TMC7: variants seen among roughly 807,000 people sequenced by gnomAD.
TMC7 encodes the protein transmembrane channel-like protein 7.
In TMC7, 54 loss-of-function variants were observed where a neutral mutation model predicts 82.9. That is an observed-to-expected ratio of 0.65 (90% CI 0.52 to 0.82). The LOEUF is 0.82. TMC7 is among the 40% of genes least tolerant of loss of function. The pLI is 0.00. For missense variants in TMC7, 820 were observed against 901.2 expected (o/e 0.91, Z 1.15); for synonymous variants, 350 against 337.9 (o/e 1.04, Z -0.39).
At position 19,023,150 on chromosome 16, in the gene TMC7, A is replaced by T; in HGVS notation, c.666A>T (p.Gly222=). 6.2e-7 allele frequency: 1 copy of T among 1,610,152 alleles called. No homozygotes were observed. Among genetic ancestry groups the T allele is most frequent in the Non-Finnish European group, 8.5e-7 (1 of 1,177,054 alleles). ...CAGTCTATCCAGTAAGCAGTTCTGG[A>T]CTCATTTACTTTTACAGTTATATCA... ...QCTVYPVSSS[G]LIYFYSYIID... Residue 222 remains glycine (G), a synonymous_variant, in exon 5 of 16, where the codon GGA becomes GGT. Transcript: ENST00000304381.
chr16:19,059,723 C>T, intron 15 of TMC7: 2 of 1,508,484 alleles, frequency 1.3e-6, no homozygotes, highest in South Asian at 1.2e-5. Flanking sequence ...TGCCTGTAAT[C>T]CCAGCACTTT....
Position 19,045,433 on chromosome 16 carries a change from T to C in TMC7, c.1548T>C (p.Pro516=). 1 of 1,613,036 alleles carries C rather than the reference T, an allele frequency of 6.2e-7. No individual in the cohort carries two copies. Among genetic ancestry groups the C allele is most frequent in the Non-Finnish European group, 8.5e-7 (1 of 1,179,342 alleles). Residue 516 remains proline, a synonymous_variant, in exon 11 of 16, where the codon CCT becomes CCC. Coordinates refer to ENST00000304381, the MANE Select transcript of TMC7 (RefSeq NM_024847.4). The part of the protein sequence containing the change: ...ILAVTLFVDF[P]RKLLVTYCSS... Reference sequence around the variant, plus strand: ...CTGTGACACTCTTCGTGGATTTTCCTAGAAAGTAAGTGCGAGGGGTGCCCA... The same window carrying C: ...CTGTGACACTCTTCGTGGATTTTCCCAGAAAGTAAGTGCGAGGGGTGCCCA...
Position 19,037,963 on chromosome 16 carries a change from G to C in TMC7, c.1095G>C (p.Leu365Phe), listed in dbSNP as rs1960834208. The change falls in exon 8 of 16, where the codon TTG becomes TTC. Residue 365 changes from leucine (L) to phenylalanine (F), a missense_variant. Physicochemically the swap from Leu to Phe is conservative, Grantham distance 22 (BLOSUM62 0). Transcript: ENST00000304381. The part of the protein sequence containing the change: ...TIRIYSLRLF[L>F]NCIVLAVLGA... ...GCATTTACTCTTTGAGACTGTTTTT[G>C]AACTGTATTGTTCTGGCTGTTTTAG... The C allele has an allele frequency of 6.2e-7, 1 of 1,613,982 alleles. No homozygotes were observed.
chr16:19,063,075 G>C lies in TMC7; in HGVS notation c.*1232G>C, dbSNP rs1962073955. ...TTTCCACAAAGATATTATTTAAAGT[G>C]GAATATTTTTGTAACTGGGATACCA... On this transcript the variant is annotated 3_prime_UTR_variant, in exon 16 of 16. Transcript: ENST00000304381. 2 of 152,124 alleles carry C rather than the reference G, an allele frequency of 1.3e-5. No homozygotes were observed. The highest frequency in any genetic ancestry group is 2.9e-5 in the Non-Finnish European group (2 of 68,032). 9.4% of individuals were successfully genotyped at this position (152,124 alleles called of 1,614,324 possible).
intron 8 of TMC7, among the ~76,000 whole-genome samples, chr16:19,038,278 C>G (rs538700296): frequency 6.6e-6 from 1 of 152,288 alleles, no homozygotes; most frequent in East Asian, 1.9e-4. Flanking sequence ...TCACTGCAGC[C>G]TCTGCCTCCC....
Position 19,035,833 on chromosome 16 carries a change from C to A in TMC7, c.1005+10C>A. 6.4e-7 allele frequency: 1 copy of A among 1,561,892 alleles called. No individual in the cohort carries two copies. The highest frequency in any genetic ancestry group is 1.2e-5 in the South Asian group (1 of 81,288). On this transcript the variant is annotated intron_variant, in intron 7 of 15. Coordinates refer to ENST00000304381, the MANE Select transcript of TMC7 (RefSeq NM_024847.4). ...GCGGTACGAGCTCCGAGTGAGTGCTCCTGAGTTTGTCCGTGGTGGGGTCCT... is the reference window on the plus strand; with the variant it reads ...GCGGTACGAGCTCCGAGTGAGTGCTACTGAGTTTGTCCGTGGTGGGGTCCT...
In TMC7 at chr16:19,009,268, C is replaced by G. The variant is rs201022261; in HGVS notation, c.164C>G (p.Thr55Ser). Residue 55 changes from threonine (T) to serine (S), a missense_variant, in exon 2 of 16, where the codon ACT becomes AGT. Thr to Ser is a moderately conservative substitution (Grantham distance 58, BLOSUM62 1). Around this residue, in one of 2 missense-constraint regions of TMC7, gnomAD observed 650 missense variants for 669.9 expected, o/e 0.97. Coordinates refer to ENST00000304381, the MANE Select transcript of TMC7 (RefSeq NM_024847.4). ...SYRSIARRRT[T>S]VHSRDKQSGT... Reference sequence around the variant, plus strand: ...CGGTCCATTGCACGTAGGAGAACGACTGTCCATTCCCGGGACAAGCAAAGC... The same window carrying G: ...CGGTCCATTGCACGTAGGAGAACGAGTGTCCATTCCCGGGACAAGCAAAGC... 1 of 1,614,224 alleles carries G rather than the reference C, an allele frequency of 6.2e-7. No individual in the cohort carries two copies. Among genetic ancestry groups the G allele is most frequent in the Admixed American group, 1.7e-5 (1 of 60,014 alleles).
At chr16:18,988,854 A>G (rs2038899602) in intron 1 of TMC7, among the ~76,000 whole-genome samples, 1 of 152,102 alleles carries the variant, frequency 6.6e-6, no homozygotes, top group Non-Finnish European at 1.5e-5. Context: ...GTTCAAGACC[A>G]GCCTGGTCAA....
At chr16:19,021,570 C>A in intron 3 of TMC7, 59 bp from the exon 4 acceptor site, 5 of 1,551,574 alleles carry the variant, frequency 3.2e-6, no homozygotes, top group African/African-American at 1.4e-5. Flanking sequence ...CTGATTGAAT[C>A]TATGATGTGT....
intron 8 of TMC7, 88 bp downstream of exon 8, chr16:19,038,135 A>G: frequency 1.5e-6 from 2 of 1,313,318 alleles, no homozygotes; most frequent in South Asian, 1.4e-5. Context: ...TGTTTTACAT[A>G]TGGAGATACA....
chr16:19,035,910 A>G (rs1960725871), intron 7 of TMC7, 87 bp downstream of exon 7: 2 of 1,463,318 alleles, frequency 1.4e-6, no homozygotes, highest in African/African-American at 1.4e-5. Flanking sequence ...GCAGAGGATC[A>G]AGGGTCGGGG....
intron 9 of TMC7, among the ~76,000 whole-genome samples, chr16:19,042,502 C>CTTTTTTTTTTTTTCTTTTT (rs1961057683): frequency 7.2e-6 from 1 of 138,580 alleles, no homozygotes; most frequent in Admixed American, 7.2e-5. Context: ...ATTATTCCTT[C>CTTTTTTTTTTTTTCTTTTT]TTTTTTTTTT....
chr16:19,031,390 C>A (rs1326008841), intron 6 of TMC7, among the ~76,000 whole-genome samples: 1 of 152,160 alleles, frequency 6.6e-6, no homozygotes, highest in Non-Finnish European at 1.5e-5. Context: ...CATGACTTTT[C>A]CTGTGGGAGA....
At position 18,998,565 on chromosome 16, in the gene TMC7, C is replaced by T. The variant is rs372847069; in HGVS notation, c.68-10607C>T. Among the ~76,000 whole-genome samples, 346 of 152,072 alleles carry T rather than the reference C, an allele frequency of 2.3e-3. 2 individuals carry two copies. The highest frequency in any genetic ancestry group is 8.0e-3 in the African/African-American group (331 of 41,506). The stretch of plus-strand genomic sequence containing the variant: ...GTCAGGAGATCGAGACCATCCTGGC[C>T]AACATGGTGAAACCCCGTCTCTACT... On this transcript the variant is annotated intron_variant, in intron 1 of 15. Transcript: ENST00000304381.
intron 13 of TMC7, among the ~76,000 whole-genome samples, chr16:19,052,541 G>C (rs964610907): frequency 3.9e-5 from 6 of 152,046 alleles, no homozygotes; most frequent in Non-Finnish European, 7.4e-5. Flanking sequence ...TACTGGGTGC[G>C]GTGGCTCACA....
intron 8 of TMC7, among the ~76,000 whole-genome samples, chr16:19,039,351 A>G (rs1960905483): frequency 6.6e-6 from 1 of 151,956 alleles, no homozygotes; most frequent in African/African-American, 2.4e-5. Context: ...TCAGCATCCC[A>G]AAGTGCTGGG....
At chr16:19,021,869 G>A in intron 4 of TMC7, 73 bp downstream of exon 4, 1 of 1,520,538 alleles carries the variant, frequency 6.6e-7, no homozygotes, top group Non-Finnish European at 8.9e-7. Flanking sequence ...TGCTTCCTTT[G>A]CTAAGAATCT....
chr16:18,997,148 G>T (rs148458946), intron 1 of TMC7, among the ~76,000 whole-genome samples: 1 of 152,318 alleles, frequency 6.6e-6, no homozygotes, highest in Non-Finnish European at 1.5e-5. Context: ...GGCGAGGACA[G>T]GGGACCGGTC....
At chr16:19,051,895 C>A in intron 13 of TMC7, 79 bp downstream of exon 13, 3 of 1,541,868 alleles carry the variant, frequency 1.9e-6, no homozygotes, top group Non-Finnish European at 2.6e-6. Flanking sequence ...TCCGTCATAT[C>A]ACATTTTTTT....
Sources: gnomAD v4.1 joint callset for allele counts (sites outside exome capture counted in the v4.1 genomes callset) on GRCh38, gnomAD v4.1.1 for gene constraint, gnomAD v4.1.1 regional missense constraint, MANE v1.5 for transcripts, NCBI Gene and HGNC (gene_info 2026-07-23, HGNC 2026-07-21) for gene names.